EHBP1L1: variants seen among roughly 807,000 people sequenced by gnomAD.
EHBP1L1 encodes the protein EH domain binding protein 1 like 1, also known as EH domain-binding protein 1-like protein 1.
EHBP1L1 carries 122 observed loss-of-function variants against 151.1 expected under a neutral mutation model. That is an observed-to-expected ratio of 0.81 (90% CI 0.70 to 0.94). EHBP1L1 has a LOEUF of 0.94. Ranked by LOEUF, EHBP1L1 falls within the 40% of genes least tolerant of loss-of-function variation. EHBP1L1 has a pLI of 0.00. For missense variants in EHBP1L1, 1,941 were observed against 1,959.8 expected (o/e 0.99, Z 0.18); for synonymous variants, 878 against 810.1 (o/e 1.08, Z -1.42).
At chr11:65,589,907 G>C in intron 13 of EHBP1L1, 29 bp from the exon 14 acceptor site, 2 of 1,540,052 alleles carry the variant, frequency 1.3e-6, no homozygotes, top group Non-Finnish European at 1.8e-6. Flanking sequence ...GGTGGTTAGG[G>C]GGTGCCTTAT....
chr11:65,582,466 G>A lies in EHBP1L1; in HGVS notation c.1794G>A (p.Arg598=), dbSNP rs761468498. ...EVEGSGFPET[R]TLEIEILGAL... is the part of the protein sequence containing the mutation. Reference sequence around the variant, plus strand: ...AGGGGTCAGGGTTCCCAGAGACTAGGACACTAGAAATTGAGATATTGGGGG... The same window carrying A: ...AGGGGTCAGGGTTCCCAGAGACTAGAACACTAGAAATTGAGATATTGGGGG... Residue 598 remains arginine, a synonymous_variant, in exon 9 of 19, where the codon AGG becomes AGA. Coordinates refer to ENST00000309295, the MANE Select transcript of EHBP1L1 (RefSeq NM_001099409.3). The A allele has an allele frequency of 3.0e-5, 49 of 1,612,956 alleles. 1 individual carries two copies. In the South Asian group the frequency reaches 5.2e-4, roughly 17 times the overall value.
intron 12 of EHBP1L1, among the ~76,000 whole-genome samples, chr11:65,586,851 C>T (rs1383652769): frequency 1.3e-5 from 2 of 152,210 alleles, no homozygotes; most frequent in African/African-American, 4.8e-5. Context: ...AGGGGAGGTG[C>T]CCCCTCTGGG....
intron 16 of EHBP1L1, 34 bp from the exon 17 acceptor site, chr11:65,591,766 A>AT: frequency 2.5e-6 from 2 of 806,796 alleles, no homozygotes; most frequent in South Asian, 1.5e-5. Context: ...CTGAACTGCC[A>AT]CCCCCCCGCC....
intron 9 of EHBP1L1, 140 bp from the exon 10 acceptor site, chr11:65,584,101 C>G: frequency 6.8e-7 from 1 of 1,480,038 alleles, no homozygotes; most frequent in Non-Finnish European, 8.9e-7. Context: ...TTACCTGGCC[C>G]CAAGGCTCTA....
Position 65,581,646 on chromosome 11 carries a change from C to T in EHBP1L1, c.974C>T (p.Pro325Leu), listed in dbSNP as rs763368746. The T allele has an allele frequency of 3.2e-6, 5 of 1,557,568 alleles. No individual in the cohort carries two copies. The highest frequency in any genetic ancestry group is 1.7e-4 in the Middle Eastern group (1 of 5,972). ...GTCCCCCAGGGGGAAGATGAGGTCC[C>T]CAAAGCCTCAGGGGCTCCTCCAGCA... Reference protein sequence around the residue: ...PPVPQGEDEVPKASGAPPAGL... With the variant: ...PPVPQGEDEVLKASGAPPAGL... The change falls in exon 9 of 19, where the codon CCC becomes CTC. Residue 325 changes from proline to leucine, a missense_variant. Coordinates refer to ENST00000309295, the MANE Select transcript of EHBP1L1 (RefSeq NM_001099409.3).
rs373142085 is a variant in EHBP1L1, at chr11:65,590,169, C to T, written c.4142C>T (p.Ala1381Val). ...GAGCAGAGGCAGATAGATGGGCGGG[C>T]GGCTGAGGTGGAGATGCAGCTGAGG... is the stretch of plus-strand genomic sequence containing the variant. Reference protein sequence around the residue: ...EQEQRQIDGRAAEVEMQLRSL... With the variant: ...EQEQRQIDGRVAEVEMQLRSL... Residue 1381 changes from alanine to valine, a missense_variant, in exon 15 of 19, where the codon GCG becomes GTG. Physicochemically the swap from Ala to Val is moderately conservative, Grantham distance 64. Transcript: ENST00000309295. The T allele has an allele frequency of 4.8e-5, 78 of 1,613,480 alleles. No individual in the cohort carries two copies. The South Asian group carries it at 7.6e-4, about 16-fold the overall frequency.
rs758995449 is a variant in EHBP1L1 at position 65,579,942 on chromosome 11, C to A, written c.265C>A (p.His89Asn). 3 of 1,613,856 alleles carry A rather than the reference C, an allele frequency of 1.9e-6. No homozygotes were observed. The highest frequency in any genetic ancestry group is 2.2e-5 in the South Asian group (2 of 91,084). Residue 89 changes from histidine to asparagine, a missense_variant, in exon 4 of 19, where the codon CAC (histidine) becomes AAC (asparagine). By Grantham distance (68) the His-to-Asn change is moderately conservative. Transcript: ENST00000309295. Reference protein sequence around the residue: ...DISVTLYRDPHVDQYEAKEWT... With the variant: ...DISVTLYRDPNVDQYEAKEWT... ...CCAGCACCCTTCTTCCCAGGACCCC[C>A]ACGTGGACCAGTATGAGGCCAAAGA...
At chr11:65,587,661 G>T (rs1858043562) in intron 12 of EHBP1L1, among the ~76,000 whole-genome samples, 1 of 152,212 alleles carries the variant, frequency 6.6e-6, no homozygotes, top group South Asian at 2.1e-4. Context: ...CAGCTCCCAG[G>T]TCACACAGGG....
At chr11:65,576,543 C>T (rs1175183540) in intron 1 of EHBP1L1, 137 bp downstream of exon 1, 2 of 760,036 alleles carry the variant, frequency 2.6e-6, no homozygotes, top group Non-Finnish European at 4.1e-6. Context: ...GGTTCCGTTC[C>T]CAGGCTCGGA....
intron 10 of EHBP1L1, 22 bp from the exon 11 acceptor site, chr11:65,584,464 C>T (rs748176372): frequency 1.9e-6 from 3 of 1,613,520 alleles, no homozygotes; most frequent in Admixed American, 1.7e-5. Flanking sequence ...GACCCAGCCT[C>T]TGACCAGCAC....
Position 65,592,403 on chromosome 11 carries a change from C to A in EHBP1L1, c.*101C>A. 2.2e-6 allele frequency: 2 copies of A among 921,640 alleles called. No individual in the cohort carries two copies. The highest frequency in any genetic ancestry group is 2.7e-6 in the Non-Finnish European group (2 of 744,856). The allele number at this position is 921,640 out of a possible 1,614,324, so 57.1% of individuals were successfully genotyped here. ...ACCCGGCCGTCCCGGAGGCCGCGCG[C>A]GTGTCCGCTAGGGGCCGCCGGCGCC... On this transcript the variant is annotated 3_prime_UTR_variant, in exon 19 of 19. Coordinates refer to ENST00000309295, the MANE Select transcript of EHBP1L1 (RefSeq NM_001099409.3).
chr11:65,581,319 G>T lies in EHBP1L1; in HGVS notation c.812G>T (p.Gly271Val). 1 of 1,610,364 alleles carries T rather than the reference G, an allele frequency of 6.2e-7. No individual in the cohort carries two copies. Residue 271 changes from glycine (G) to valine (V), a missense_variant, in exon 8 of 19, where the codon GGG becomes GTG. By Grantham distance (109) the Gly-to-Val change is moderately radical (BLOSUM62 -3). Coordinates refer to ENST00000309295, the MANE Select transcript of EHBP1L1 (RefSeq NM_001099409.3). Reference sequence around the variant, plus strand: ...GGGTCAGAACGAGCTAATGAAGCGGGGGGCCAGGTAGGCCCTGAGGCCCCA... The same window carrying T: ...GGGTCAGAACGAGCTAATGAAGCGGTGGGCCAGGTAGGCCCTGAGGCCCCA... ...GQGSERANEA[G>V]GQVGPEAPRP...
rs776002551 is a variant in EHBP1L1, at chr11:65,581,643, T to G, written c.971T>G (p.Val324Gly). The G allele has an allele frequency of 6.4e-7, 1 of 1,553,822 alleles. No homozygotes were observed. Among genetic ancestry groups the G allele is most frequent in the East Asian group, 2.4e-5 (1 of 41,678 alleles). Residue 324 changes from valine to glycine, a missense_variant, in exon 9 of 19, where the codon GTC becomes GGC. Physicochemically the swap from Val to Gly is moderately radical, Grantham distance 109. Coordinates refer to ENST00000309295, the MANE Select transcript of EHBP1L1 (RefSeq NM_001099409.3). ...CCAGTCCCCCAGGGGGAAGATGAGG[T>G]CCCCAAAGCCTCAGGGGCTCCTCCA... is the stretch of plus-strand genomic sequence containing the variant. Reference protein sequence around the residue: ...RPPVPQGEDEVPKASGAPPAG... With the variant: ...RPPVPQGEDEGPKASGAPPAG...
Position 65,583,266 on chromosome 11 carries a change from T to C in EHBP1L1, c.2594T>C (p.Met865Thr). ...GGAATGGCAGAGGCCCGAGTACTGA[T>C]GACCCGTAAGACAGAAATTATAGTT... ...EAGMAEARVL[M>T]TRKTEIIVPE... Residue 865 changes from methionine to threonine, a missense_variant, in exon 9 of 19, where the codon ATG becomes ACG. Physicochemically the swap from Met to Thr is moderately conservative, Grantham distance 81. Transcript: ENST00000309295. 6.2e-7 allele frequency: 1 copy of C among 1,613,438 alleles called. No homozygotes were observed. The highest frequency in any genetic ancestry group is 8.5e-7 in the Non-Finnish European group (1 of 1,179,776).
Position 65,581,241 on chromosome 11 carries a change from GC to G in EHBP1L1, c.737del (p.Pro246GlnfsTer4). ...VASPSNAEDT[S>X]PAPVSAPAPP... ...AGCCCTTCTAATGCTGAGGATACCAGCCCAGCCCCTGTGAGTGCTCCTGCAC... is the reference window on the plus strand; with the variant it reads ...AGCCCTTCTAATGCTGAGGATACCAGCCAGCCCCTGTGAGTGCTCCTGCAC... On this transcript the variant is annotated frameshift_variant, in exon 8 of 19. Coordinates refer to ENST00000309295, the MANE Select transcript of EHBP1L1 (RefSeq NM_001099409.3). LOFTEE classifies it high-confidence loss of function. 3.7e-6 allele frequency: 6 copies of G among 1,611,240 alleles called. No individual in the cohort carries two copies. Among genetic ancestry groups the G allele is most frequent in the Non-Finnish European group, 5.1e-6 (6 of 1,179,144 alleles).
Position 65,576,227 on chromosome 11 carries a change from G to C in EHBP1L1, c.-76G>C. 7.3e-7 allele frequency: 1 copy of C among 1,377,870 alleles called. No homozygotes were observed. Among genetic ancestry groups the C allele is most frequent in the Non-Finnish European group, 9.6e-7 (1 of 1,042,578 alleles). The allele number at this position is 1,377,870 out of a possible 1,614,324, so 85.4% of individuals were successfully genotyped here. ...GCGGGCGGCGCGGACAGGCCATGGG[G>C]ACCCGGGCCGGGCCAGCGGTGGCGG... is the stretch of plus-strand genomic sequence containing the variant. On this transcript the variant is annotated 5_prime_UTR_variant, in exon 1 of 19. Transcript: ENST00000309295.
In EHBP1L1 at chr11:65,583,197, A is replaced by G; in HGVS notation, c.2525A>G (p.Gln842Arg). 1 of 1,613,418 alleles carries G rather than the reference A, an allele frequency of 6.2e-7. No individual in the cohort carries two copies. Residue 842 changes from glutamine (Q) to arginine (R), a missense_variant, in exon 9 of 19, where the codon CAG becomes CGG. Physicochemically the swap from Gln to Arg is conservative, Grantham distance 43. Coordinates refer to ENST00000309295, the MANE Select transcript of EHBP1L1 (RefSeq NM_001099409.3). ...CTAGAATCTGAGGTAGCTGGGGCCCAGGAGACAGAGGTCGGGGGTTCAGGG... is the reference window on the plus strand; with the variant it reads ...CTAGAATCTGAGGTAGCTGGGGCCCGGGAGACAGAGGTCGGGGGTTCAGGG... ...PGLESEVAGA[Q>R]ETEVGGSGIS...
Position 65,581,612 on chromosome 11 carries a change from C to A in EHBP1L1, c.940C>A (p.Arg314=), listed in dbSNP as rs770517987. ...GCTCCGGAAAGGCTCTGATGCCCTC[C>A]GGCCCCCAGTCCCCCAGGGGGAAGA... ...PRLRKGSDAL[R]PPVPQGEDEV... Residue 314 remains arginine, a synonymous_variant, in exon 9 of 19, where the codon CGG becomes AGG. Transcript: ENST00000309295. 1 of 1,534,422 alleles carries A rather than the reference C, an allele frequency of 6.5e-7. No individual in the cohort carries two copies. The highest frequency in any genetic ancestry group is 8.8e-7 in the Non-Finnish European group (1 of 1,139,838).
chr11:65,585,555 C>CGAT lies in EHBP1L1; in HGVS notation c.3898_3900dup (p.Asp1300dup). 6.3e-7 allele frequency: 1 copy of CGAT among 1,582,620 alleles called. No homozygotes were observed. The highest frequency in any genetic ancestry group is 8.5e-7 in the Non-Finnish European group (1 of 1,171,794). ...GGAACAGCAGCTCGTTCTCGATGGACGATCCGGACGCGGGAGCCATGGGAG... is the reference window on the plus strand; with the variant it reads ...GGAACAGCAGCTCGTTCTCGATGGACGATGATCCGGACGCGGGAGCCATGGGAG... On this transcript the variant is annotated inframe_insertion, in exon 12 of 19. Coordinates refer to ENST00000309295, the MANE Select transcript of EHBP1L1 (RefSeq NM_001099409.3). This position sits in a 1 kb window ranked among gnomAD's most constrained non-coding sequence, Gnocchi z 4.0.
Sources: gnomAD v4.1 joint callset for allele counts (sites outside exome capture counted in the v4.1 genomes callset) on GRCh38, gnomAD v4.1.1 for gene constraint, Gnocchi (gnomAD v3.1) non-coding constraint, MANE v1.5 for transcripts, NCBI Gene and HGNC (gene_info 2026-07-23, HGNC 2026-07-21) for gene names.